CEP192: variants seen among roughly 807,000 people sequenced by gnomAD.
CEP192 encodes the protein centrosomal protein of 192 kDa.
A neutral mutation model predicts 271.8 loss-of-function variants in CEP192; 151 were observed. That is an observed-to-expected ratio of 0.56 (90% CI 0.49 to 0.64). The LOEUF (loss-of-function observed/expected upper bound fraction) is 0.64, where lower values mean the gene tolerates loss of function less well. Among genes scored for constraint, CEP192 ranks in the 30% least tolerant of loss-of-function variants. The pLI, the probability that CEP192 is intolerant of heterozygous loss-of-function variation, is 0.00. For missense variants in CEP192, 2,910 were observed against 3,020.5 expected (o/e 0.96, Z 0.86); for synonymous variants, 995 against 1,076.5 (o/e 0.92, Z 1.48).
chr18:13,053,156 G>T, intron 18 of CEP192, 66 bp downstream of exon 18: 1 of 1,312,672 alleles, frequency 7.6e-7, no homozygotes, highest in South Asian at 1.5e-5. Context: ...ACAGATGTTT[G>T]ATTCAGACTA....
intron 42 of CEP192, among the ~76,000 whole-genome samples, chr18:13,115,822 T>C (rs745386297): frequency 1.1e-4 from 17 of 152,160 alleles, no homozygotes; most frequent in Non-Finnish European, 2.1e-4. Flanking sequence ...GTGTAGTGAC[T>C]GAATAGATAG....
intron 42 of CEP192, 72 bp from the exon 43 acceptor site, chr18:13,116,300 ATAATT>A: frequency 5.2e-6 from 7 of 1,356,890 alleles, no homozygotes; most frequent in Non-Finnish European, 7.2e-6. Context: ...GCAATACTAC[ATAATT>A]TTAATATATA....
intron 3 of CEP192, among the ~76,000 whole-genome samples, chr18:13,003,104 G>T (rs1367323455): frequency 1.3e-5 from 2 of 152,102 alleles, no homozygotes; most frequent in African/African-American, 4.8e-5. Flanking sequence ...ATAATAAGGA[G>T]GGTTATTAGG....
intron 21 of CEP192, among the ~76,000 whole-genome samples, chr18:13,060,652 CT>C (rs2037359529): frequency 6.6e-6 from 1 of 152,160 alleles, no homozygotes; most frequent in South Asian, 2.1e-4. Context: ...CACCTGGGCA[CT>C]GGCACACACC....
At chr18:13,121,162 G>C (rs2040640658) in intron 44 of CEP192, among the ~76,000 whole-genome samples, 1 of 152,210 alleles carries the variant, frequency 6.6e-6, no homozygotes, top group South Asian at 2.1e-4. Flanking sequence ...CAGTTAGCTT[G>C]CCTTGGCAGT....
intron 30 of CEP192, among the ~76,000 whole-genome samples, chr18:13,084,204 T>G (rs962307512): frequency 7.2e-5 from 11 of 152,198 alleles, no homozygotes; most frequent in Admixed American, 7.2e-4. Flanking sequence ...GCTGCCTTTT[T>G]TTCAGCTATG....
intron 30 of CEP192, among the ~76,000 whole-genome samples, chr18:13,080,898 T>C (rs1348079561): frequency 3.3e-5 from 5 of 152,230 alleles, no homozygotes; most frequent in African/African-American, 1.2e-4. Flanking sequence ...GATATAATTA[T>C]GTGATTTTTG....
At chr18:13,042,697 TAAAAG>T in intron 15 of CEP192, among the ~76,000 whole-genome samples, 1 of 152,358 alleles carries the variant, frequency 6.6e-6, no homozygotes, top group South Asian at 2.1e-4. Flanking sequence ...AAACTTCACT[TAAAAG>T]AAACCATGTG....
chr18:12,996,785 G>A (rs1348798365), intron 1 of CEP192, among the ~76,000 whole-genome samples: 2 of 152,194 alleles, frequency 1.3e-5, no homozygotes, highest in Non-Finnish European at 2.9e-5. Flanking sequence ...GGCTACAGAA[G>A]AAGGACCGGA....
At position 13,049,357 on chromosome 18, in the gene CEP192, G is replaced by C; in HGVS notation, c.2566G>C (p.Glu856Gln). ...TGAAAATGGAGAGAGTGAGAATCAA[G>C]AGTCATTTAGAACCATAAACTCCTC... is the stretch of plus-strand genomic sequence containing the variant. ...YVENGESENQ[E>Q]SFRTINSSNS... The change falls in exon 16 of 45, where the codon GAG (glutamate) becomes CAG (glutamine). Residue 856 changes from glutamate to glutamine, a missense_variant. By Grantham distance (29) the Glu-to-Gln change is conservative. Transcript: ENST00000506447. 1 of 1,614,110 alleles carries C rather than the reference G, an allele frequency of 6.2e-7. No homozygotes were observed. Among genetic ancestry groups the C allele is most frequent in the East Asian group, 2.2e-5 (1 of 44,860 alleles).
At chr18:13,035,394 G>T (rs532891881) in intron 11 of CEP192, among the ~76,000 whole-genome samples, 11 of 152,254 alleles carry the variant, frequency 7.2e-5, no homozygotes, top group Non-Finnish European at 1.6e-4. Context: ...GAGGCAAAAG[G>T]CACCTCTTAC....
intron 36 of CEP192, 123 bp downstream of exon 36, chr18:13,096,430 C>A: frequency 7.7e-7 from 1 of 1,294,826 alleles, no homozygotes; most frequent in Non-Finnish European, 1.1e-6. Context: ...TGACTCTGCA[C>A]AAAGCATGTG....
intron 13 of CEP192, among the ~76,000 whole-genome samples, chr18:13,040,085 A>T (rs7229869): frequency 1.3e-5 from 2 of 151,920 alleles, no homozygotes; most frequent in African/African-American, 4.8e-5. Flanking sequence ...GAAGTTGAAG[A>T]GTAACTGAAT....
chr18:13,083,681 TGGA>T (rs1252824270), intron 30 of CEP192, among the ~76,000 whole-genome samples: 4 of 152,246 alleles, frequency 2.6e-5, no homozygotes, highest in Non-Finnish European at 4.4e-5. Flanking sequence ...TGCGATCTTT[TGGA>T]GGAGAAGAGG....
chr18:13,020,830 A>T lies in CEP192; in HGVS notation c.1050+1624A>T, dbSNP rs1200132869. On this transcript the variant is annotated intron_variant, in intron 9 of 44. Transcript: ENST00000506447. ...GATTTGCATTTCCCTGATGACAGTG[A>T]TATTGAACATCTTTTTATGTGCTTC... Among the ~76,000 whole-genome samples the T allele has an allele frequency of 2.6e-5, 4 of 152,156 alleles. No homozygotes were observed. The East Asian group carries it at 7.7e-4, about 29-fold the overall frequency.
intron 9 of CEP192, among the ~76,000 whole-genome samples, chr18:13,020,835 G>A (rs1477244396): frequency 6.6e-6 from 1 of 152,098 alleles, no homozygotes; most frequent in African/African-American, 2.4e-5. Flanking sequence ...CAGTGATATT[G>A]AACATCTTTT....
In CEP192 at chr18:13,105,860, C is replaced by T. The variant is rs543361970; in HGVS notation, c.7047+781C>T. Among the ~76,000 whole-genome samples, 15 of 152,174 alleles carry T rather than the reference C, an allele frequency of 9.9e-5. No individual in the cohort carries two copies. The South Asian group carries it at 1.0e-3, about 11-fold the overall frequency. On this transcript the variant is annotated intron_variant, in intron 40 of 44. Coordinates refer to ENST00000506447, the MANE Select transcript of CEP192 (RefSeq NM_032142.4). The stretch of plus-strand genomic sequence containing the variant: ...CTCAAATAAAGTTCAGTGTATGAGG[C>T]GGTATTGCAAAAAGAAGCCCAACAA...
At position 13,028,087 on chromosome 18, in the gene CEP192, C is replaced by T. The variant is rs1030967621; in HGVS notation, c.1051-1576C>T. ...CCTCCTAAGGCTCTTAGAGGAGAAT[C>T]CTTCCTGGTTCTCCCGGCTTCTGCT... On this transcript the variant is annotated intron_variant, in intron 9 of 44. Transcript: ENST00000506447. Among the ~76,000 whole-genome samples, 5 of 152,114 alleles carry T rather than the reference C, an allele frequency of 3.3e-5. No homozygotes were observed. In the East Asian group the frequency reaches 9.6e-4, roughly 29 times the overall value.
At chr18:13,112,294 G>C (rs2040243006) in intron 40 of CEP192, among the ~76,000 whole-genome samples, 1 of 152,190 alleles carries the variant, frequency 6.6e-6, no homozygotes, top group African/African-American at 2.4e-5. Flanking sequence ...CAGTGAAAAG[G>C]AATGGAGTTA....
Sources: allele counts gnomAD v4.1 joint callset (sites outside exome capture counted in the v4.1 genomes callset), GRCh38; gene constraint gnomAD v4.1.1; transcripts MANE v1.5; gene names NCBI Gene and HGNC (gene_info 2026-07-23, HGNC 2026-07-21).